C10orf67: variants seen among roughly 807,000 people sequenced by gnomAD.
The protein encoded by C10orf67 is uncharacterized protein C10orf67, mitochondrial.
A neutral mutation model predicts 35.6 loss-of-function variants in C10orf67; 60 were observed. That is an observed-to-expected ratio of 1.68 (90% CI 1.37 to 2.09). C10orf67 has a LOEUF of 2.09. Ranked by LOEUF, C10orf67 falls within the 30% of genes most tolerant of loss-of-function variation. The probability of loss-of-function intolerance (pLI) is 0.00; values close to 1 mark genes in which losing one functional copy is unlikely to be tolerated. For synonymous variants in C10orf67, 167 were observed against 115.8 expected (o/e 1.44, Z -2.84); for missense variants, 474 against 330.2 (o/e 1.44, Z -3.38).
chr10:23,206,871 A>G (rs1007443272), intron 15 of C10orf67, among the ~76,000 whole-genome samples: 2 of 152,174 alleles, frequency 1.3e-5, no homozygotes, highest in African/African-American at 4.8e-5. Context: ...TCTGTGGATA[A>G]TTTAAAAGAT....
chr10:23,240,844 A>AT (rs1447158382), intron 12 of C10orf67, among the ~76,000 whole-genome samples: 5 of 152,206 alleles, frequency 3.3e-5, no homozygotes, highest in African/African-American at 1.2e-4. Context: ...CCCATGACAA[A>AT]CATGGGAGAC....
chr10:23,298,261 AC>A (rs1452859166), intron 5 of C10orf67, among the ~76,000 whole-genome samples: 4 of 152,102 alleles, frequency 2.6e-5, no homozygotes, highest in Non-Finnish European at 4.4e-5. Flanking sequence ...TCTCAAAAAA[AC>A]AAACAAACAA....
chr10:23,255,220 A>T (rs1842568859), intron 10 of C10orf67, among the ~76,000 whole-genome samples: 1 of 152,204 alleles, frequency 6.6e-6, no homozygotes, highest in Non-Finnish European at 1.5e-5. Context: ...GTGTGCTGAA[A>T]CAGTAGTCAT....
chr10:23,344,689 C>A lies in C10orf67; in HGVS notation c.86G>T (p.Gly29Val). 6.3e-7 allele frequency: 1 copy of A among 1,577,036 alleles called. No homozygotes were observed. Among genetic ancestry groups the A allele is most frequent in the Non-Finnish European group, 8.6e-7 (1 of 1,161,772 alleles). The change falls in exon 1 of 16, where the codon GGG becomes GTG. Residue 29 changes from glycine to valine, a missense_variant. Physicochemically the swap from Gly to Val is moderately radical, Grantham distance 109. Coordinates refer to ENST00000636213, the MANE Select transcript of C10orf67 (RefSeq NM_001371909.1). Reference protein sequence around the residue: ...WVHCFSSSLRGTFGTRWEAMK... With the variant: ...WVHCFSSSLRVTFGTRWEAMK... ...GGCCTCCCAGCGTGTGCCAAAGGTC[C>A]CCCTCAAGGAGGAGGAAAAGCAGTG...
At chr10:23,314,795 T>G (rs182964956) in intron 4 of C10orf67, among the ~76,000 whole-genome samples, 1 of 152,232 alleles carries the variant, frequency 6.6e-6, no homozygotes. Context: ...GCCTCTCACA[T>G]AGCCAACAGA....
chr10:23,267,015 G>A (rs1346750029), intron 9 of C10orf67, among the ~76,000 whole-genome samples, 180 bp downstream of exon 9: 8 of 152,128 alleles, frequency 5.3e-5, no homozygotes. Context: ...AAAGTACTAG[G>A]ATTATAGGCA....
intron 10 of C10orf67, chr10:23,258,384 CT>C: frequency 5.9e-6 from 1 of 169,802 alleles, no homozygotes. Context: ...TGATTGGCAC[CT>C]TTCTATTATC....
At chr10:23,270,585 T>C (rs1588635616) in intron 8 of C10orf67, among the ~76,000 whole-genome samples, 1 of 152,248 alleles carries the variant, frequency 6.6e-6, no homozygotes, top group East Asian at 1.9e-4. Context: ...AGCTTTGTTC[T>C]GCAGGCCCCA....
At chr10:23,268,880 G>A (rs2132204445) in intron 8 of C10orf67, among the ~76,000 whole-genome samples, 1 of 152,306 alleles carries the variant, frequency 6.6e-6, no homozygotes, top group South Asian at 2.1e-4. Context: ...ACAATGATAT[G>A]TATTTGTGTA....
chr10:23,220,771 A>C (rs1048580984), intron 15 of C10orf67, among the ~76,000 whole-genome samples: 10 of 152,356 alleles, frequency 6.6e-5, no homozygotes, highest in Middle Eastern at 6.8e-3. Context: ...TAAAAACGTG[A>C]AAGGCATTTA....
At chr10:23,216,618 T>C (rs1438794998) in intron 15 of C10orf67, among the ~76,000 whole-genome samples, 4 of 152,158 alleles carry the variant, frequency 2.6e-5, no homozygotes, top group Admixed American at 2.0e-4. Context: ...ATTCATATTA[T>C]ACAATGGAAT....
intron 10 of C10orf67, among the ~76,000 whole-genome samples, chr10:23,260,798 T>C (rs940200225): frequency 6.6e-6 from 1 of 152,216 alleles, no homozygotes; most frequent in African/African-American, 2.4e-5. Context: ...GTCTGAAATC[T>C]TTTTTATATT....
intron 12 of C10orf67, among the ~76,000 whole-genome samples, chr10:23,244,001 C>T (rs1388962079): frequency 1.3e-5 from 2 of 152,188 alleles, no homozygotes; most frequent in Non-Finnish European, 2.9e-5. Context: ...AGGCAATCTT[C>T]CTGCCTCAGC....
chr10:23,252,347 T>C (rs1299766580), intron 10 of C10orf67, among the ~76,000 whole-genome samples: 1 of 152,208 alleles, frequency 6.6e-6, no homozygotes, highest in Non-Finnish European at 1.5e-5. Context: ...TCCTTGTTAA[T>C]GGAAAAAAGT....
chr10:23,269,845 G>A (rs1404401773), intron 8 of C10orf67, among the ~76,000 whole-genome samples: 13 of 152,124 alleles, frequency 8.5e-5, no homozygotes, highest in East Asian at 1.9e-4. Flanking sequence ...GATCACAAAC[G>A]TGTATGTGCC....
intron 5 of C10orf67, among the ~76,000 whole-genome samples, chr10:23,298,741 C>G (rs780623047): frequency 3.9e-5 from 6 of 152,132 alleles, no homozygotes; most frequent in Non-Finnish European, 7.3e-5. Flanking sequence ...GTGAGCAGAG[C>G]TGAGCTTTTG....
intron 12 of C10orf67, among the ~76,000 whole-genome samples, 164 bp downstream of exon 12, chr10:23,250,291 G>A (rs1842414452): frequency 6.6e-6 from 1 of 152,118 alleles, no homozygotes. Context: ...ACTTCTCAGT[G>A]ATTTTGATTA....
At chr10:23,249,160 A>AAG (rs1842386236) in intron 12 of C10orf67, among the ~76,000 whole-genome samples, 1 of 138,266 alleles carries the variant, frequency 7.2e-6, no homozygotes, top group Non-Finnish European at 1.5e-5. Context: ...AAAAAAAAAA[A>AAG]GAAAACTGAT....
intron 15 of C10orf67, among the ~76,000 whole-genome samples, chr10:23,207,945 G>A (rs1841202089): frequency 6.6e-6 from 1 of 152,114 alleles, no homozygotes; most frequent in African/African-American, 2.4e-5. Context: ...TTCACATTGT[G>A]CCTTTTGTGA....
Sources: gnomAD v4.1 joint callset for allele counts (sites outside exome capture counted in the v4.1 genomes callset) on GRCh38, gnomAD v4.1.1 for gene constraint, MANE v1.5 for transcripts, NCBI Gene and HGNC (gene_info 2026-07-23, HGNC 2026-07-21) for gene names.